Variants in TASOR2 observed in about 807,000 individuals in gnomAD.
TASOR2 encodes transcription activation suppressor family member 2.
In TASOR2, 84 loss-of-function variants were observed where a neutral mutation model predicts 199.5. The ratio of observed to expected loss-of-function variants is 0.42; its 90% confidence interval spans 0.35 to 0.50. The LOEUF (loss-of-function observed/expected upper bound fraction) is 0.50. Ranked by LOEUF, TASOR2 falls within the 20% of genes least tolerant of loss-of-function variation. TASOR2 has a pLI of 0.02. For synonymous variants in TASOR2, 1,103 were observed against 1,046.6 expected (o/e 1.05, Z -1.04); for missense variants, 2,796 against 2,835.9 (o/e 0.99, Z 0.32).
chr10:5,693,524 G>C (rs1481732730), intron 1 of TASOR2, among the ~76,000 whole-genome samples: 2 of 152,130 alleles, frequency 1.3e-5, no homozygotes, highest in Admixed American at 1.3e-4. Context: ...CTGGGTCTCT[G>C]TTTTGACTTA....
rs374967651 is a variant in TASOR2, at chr10:5,723,800, G to C, written c.247+23G>C. 136 of 1,494,106 alleles carry C rather than the reference G, an allele frequency of 9.1e-5. No individual in the cohort carries two copies. In the Admixed American group the frequency reaches 2.4e-3, roughly 26 times the overall value. The allele number at this position is 1,494,106 out of a possible 1,614,324, so 92.6% of individuals were successfully genotyped here. The stretch of plus-strand genomic sequence containing the variant: ...AAGGTCTGTTGAAATGTAATAACAC[G>C]CTACTTGTCCTGGGCTTTGTTCTGG... On this transcript the variant is annotated intron_variant, in intron 7 of 20. Coordinates refer to ENST00000328090, the Ensembl canonical transcript of TASOR2.
chr10:5,695,039 G>A (rs1450652034), intron 1 of TASOR2, among the ~76,000 whole-genome samples: 2 of 152,036 alleles, frequency 1.3e-5, no homozygotes, highest in African/African-American at 4.8e-5. Context: ...TTTTTAATGT[G>A]TTTTGTCTAG....
At chr10:5,686,954 C>G (rs1835879665) in intron 1 of TASOR2, among the ~76,000 whole-genome samples, 1 of 152,086 alleles carries the variant, frequency 6.6e-6, no homozygotes, top group Admixed American at 6.6e-5. Flanking sequence ...GAAATTAAAA[C>G]TATCTTTTTA....
intron 1 of TASOR2, chr10:5,692,965 C>G (rs182270575): frequency 2.1e-4 from 32 of 152,472 alleles, no homozygotes; most frequent in African/African-American, 7.0e-4. Context: ...TTGTGGGAAG[C>G]TCTGACCCCC....
In TASOR2 at chr10:5,737,914, A is replaced by G. The variant is rs984417438; in HGVS notation, c.1448-1704A>G. ...CAAATACAGGCTGATTTGTATTGCA[A>G]ATGTCTGTAGGTATTGTGCAGCCAC... On this transcript the variant is annotated intron_variant, in intron 12 of 20. Coordinates refer to ENST00000328090, the Ensembl canonical transcript of TASOR2. The surrounding 1 kb of genome is among the most constrained non-coding windows in gnomAD (Gnocchi z 4.9). 1.3e-5 allele frequency among the ~76,000 whole-genome samples: 2 copies of G among 152,222 alleles called. No homozygotes were observed. The highest frequency in any genetic ancestry group is 4.1e-4 in the South Asian group (2 of 4,834).
At position 5,706,363 on chromosome 10, in the gene TASOR2, A is replaced by C. The variant is rs1036696086; in HGVS notation, c.-287-6460A>C. On this transcript the variant is annotated intron_variant, in intron 1 of 20. Transcript: ENST00000328090. The surrounding 1 kb of genome is among the most constrained non-coding windows in gnomAD (Gnocchi z 4.8). ...AGAATCAGATCATCAGTTTCTGCAA[A>C]CTGAGATTGTGTTGAATCTGTAGAT... is the stretch of plus-strand genomic sequence containing the variant. Among the ~76,000 whole-genome samples the C allele has an allele frequency of 1.2e-4, 19 of 152,194 alleles. No individual in the cohort carries two copies. The highest frequency in any genetic ancestry group is 4.6e-4 in the African/African-American group (19 of 41,446).
At chr10:5,731,974 C>T (rs1302567494) in intron 11 of TASOR2, among the ~76,000 whole-genome samples, 1 of 152,168 alleles carries the variant, frequency 6.6e-6, no homozygotes, top group East Asian at 1.9e-4. Context: ...AGTTTCTAAT[C>T]CTTTATGTGT....
Position 5,762,526 on chromosome 10 carries a change from T to TTTTTTAAAAAAA in TASOR2, c.7175-6_7175-5insTTTTTAAAAAAA. On this transcript the variant is annotated splice_region_variant and splice_polypyrimidine_tract_variant and intron_variant, in intron 19 of 20. Coordinates refer to ENST00000328090, the Ensembl canonical transcript of TASOR2. ...ACCAAAAGTTGTTTTTTTTTTTTTT[T>TTTTTTAAAAAAA]AACAGACAAGCCTACTATCCCCAGA... 4.3e-6 allele frequency: 3 copies of TTTTTTAAAAAAA among 699,656 alleles called. No individual in the cohort carries two copies. Among genetic ancestry groups the TTTTTTAAAAAAA allele is most frequent in the Non-Finnish European group, 2.2e-6 (1 of 449,620 alleles). The allele number at this position is 699,656 out of a possible 1,614,324, so 43.3% of individuals were successfully genotyped here.
intron 10 of TASOR2, among the ~76,000 whole-genome samples, chr10:5,728,261 A>ATG (rs1320866794): frequency 2.0e-5 from 3 of 151,804 alleles, no homozygotes; most frequent in Admixed American, 2.0e-4. Flanking sequence ...TATAATCACA[A>ATG]TGTGTGTGTT....
At chr10:5,739,831 C>T in exon 13 of TASOR2, 1 of 1,614,156 alleles carries the variant, frequency 6.2e-7, no homozygotes, top group Non-Finnish European at 8.5e-7. Flanking sequence ...GTATCTGAGG[C>T]TAGAAATCTT....
intron 15 of TASOR2, among the ~76,000 whole-genome samples, chr10:5,755,046 C>CA (rs34884255): frequency 0.2 from 15,360 of 77,930 alleles, 1,383 homozygotes; most frequent in Non-Finnish European, 0.26. Flanking sequence ...ACTCTTGTCT[C>CA]AAAAAAAAAA....
chr10:5,735,738 T>C (rs1835480522), intron 12 of TASOR2, among the ~76,000 whole-genome samples, 192 bp downstream of exon 13: 1 of 152,066 alleles, frequency 6.6e-6, no homozygotes. Flanking sequence ...GTACAAAAGC[T>C]CAAACCTTCA....
chr10:5,722,108 C>T lies in TASOR2; in HGVS notation c.146+1138C>T, dbSNP rs1325332683. Among the ~76,000 whole-genome samples, 4 of 152,070 alleles carry T rather than the reference C, an allele frequency of 2.6e-5. No homozygotes were observed. Among genetic ancestry groups the T allele is most frequent in the Non-Finnish European group, 2.9e-5 (2 of 68,018 alleles). On this transcript the variant is annotated intron_variant, in intron 6 of 20. Coordinates refer to ENST00000328090, the Ensembl canonical transcript of TASOR2. The surrounding 1 kb of genome is among the most constrained non-coding windows in gnomAD (Gnocchi z 4.0). The stretch of plus-strand genomic sequence containing the variant: ...TAAGATGTAGGTTAAGTCATAGTAT[C>T]GTTATCATTGTGAATGTGTTGATTT...
chr10:5,740,577 C>T lies in TASOR2; in HGVS notation c.2327+80C>T. On this transcript the variant is annotated intron_variant, in intron 13 of 20. Transcript: ENST00000328090. This position sits in a 1 kb window ranked among gnomAD's most constrained non-coding sequence, Gnocchi z 5.3. ...TGTAGTGAGATGGGGAAACTTATGC[C>T]AAACTCTGGAGAAGGAGAAAGAAGT... 1 of 1,418,334 alleles carries T rather than the reference C, an allele frequency of 7.1e-7. No homozygotes were observed. The highest frequency in any genetic ancestry group is 9.6e-7 in the Non-Finnish European group (1 of 1,045,792). The allele number at this position is 1,418,334 out of a possible 1,614,324, so 87.9% of individuals were successfully genotyped here. A position where few individuals can be genotyped will look rare whatever the true frequency, so the allele number is the denominator to read the frequency against.
intron 18 of TASOR2, among the ~76,000 whole-genome samples, chr10:5,760,496 G>T (rs1421765768): frequency 6.6e-6 from 1 of 152,118 alleles, no homozygotes; most frequent in South Asian, 2.1e-4. Flanking sequence ...ACCAACCTCA[G>T]TTCCATCTCT....
At chr10:5,694,465 T>A (rs1311393054) in intron 1 of TASOR2, among the ~76,000 whole-genome samples, 2 of 152,162 alleles carry the variant, frequency 1.3e-5, no homozygotes, top group Non-Finnish European at 2.9e-5. Flanking sequence ...ACTAATCTAG[T>A]GGTTGGAGGA....
chr10:5,692,753 C>T (rs1285696076), intron 1 of TASOR2: 1 of 151,818 alleles, frequency 6.6e-6, no homozygotes, highest in Non-Finnish European at 1.5e-5. Context: ...GAGCCGGCGT[C>T]GCCCTTGTTG....
intron 2 of TASOR2, among the ~76,000 whole-genome samples, chr10:5,717,207 G>T (rs150627746): frequency 6.6e-6 from 1 of 152,134 alleles, no homozygotes; most frequent in Non-Finnish European, 1.5e-5. Flanking sequence ...ACTACTACTT[G>T]TATGTCTTTT....
At chr10:5,696,246 C>G (rs998796128) in intron 1 of TASOR2, among the ~76,000 whole-genome samples, 4 of 152,168 alleles carry the variant, frequency 2.6e-5, no homozygotes, top group African/African-American at 9.7e-5. Context: ...CAGTATTTAA[C>G]AGATATGAAC....
Sources: gnomAD v4.1 joint callset for allele counts (sites outside exome capture counted in the v4.1 genomes callset) on GRCh38, gnomAD v4.1.1 for gene constraint, Gnocchi (gnomAD v3.1) non-coding constraint, MANE v1.5 for transcripts, NCBI Gene and HGNC (gene_info 2026-07-23, HGNC 2026-07-21) for gene names.